Variants in AKAP13 observed in about 807,000 individuals in gnomAD.
AKAP13 encodes A-kinase anchoring protein 13.
In AKAP13, 80 loss-of-function variants were observed where a neutral mutation model predicts 264.5. That is an observed-to-expected ratio of 0.30 (90% CI 0.25 to 0.36). AKAP13 has a LOEUF of 0.36. Ranked by LOEUF, AKAP13 falls within the 10% of genes least tolerant of loss-of-function variation. The pLI is 1.00. For synonymous variants in AKAP13, 1,380 were observed against 1,250.2 expected (o/e 1.10, Z -2.19); for missense variants, 3,712 against 3,435.2 (o/e 1.08, Z -2.01).
At chr15:85,667,809 A>G (rs756049983) in intron 13 of AKAP13, among the ~76,000 whole-genome samples, 1 of 152,140 alleles carries the variant, frequency 6.6e-6, no homozygotes, top group African/African-American at 2.4e-5. Context: ...GAATGATTTA[A>G]TTTTCTTAAT....
intron 8 of AKAP13, among the ~76,000 whole-genome samples, chr15:85,633,129 G>A (rs998671095): frequency 7.2e-5 from 11 of 152,046 alleles, no homozygotes; most frequent in African/African-American, 2.4e-4. Flanking sequence ...GCCTCCCAAA[G>A]TGCTGGGATT....
At chr15:85,619,656 T>C (rs2081087278) in intron 8 of AKAP13, 1 of 987,864 alleles carries the variant, frequency 1.0e-6, no homozygotes, top group African/African-American at 1.7e-5. Context: ...AAGTATATAC[T>C]GGATTTTTAT....
intron 6 of AKAP13, chr15:85,577,847 T>TG: frequency 1.0e-6 from 1 of 985,060 alleles, no homozygotes; most frequent in Non-Finnish European, 1.2e-6. Flanking sequence ...GAACATATTT[T>TG]GGGGATTAAA....
intron 14 of AKAP13, among the ~76,000 whole-genome samples, chr15:85,671,692 G>A (rs1452846506): frequency 1.3e-5 from 2 of 151,418 alleles, no homozygotes; most frequent in Non-Finnish European, 2.9e-5. Context: ...TGTATAGAAT[G>A]GAAAGTACAA....
In AKAP13 at chr15:85,579,104, C is replaced by A. The variant is rs1354841357; in HGVS notation, c.1036C>A (p.Pro346Thr). Residue 346 changes from proline (P) to threonine (T), a missense_variant, in exon 7 of 37, where the codon CCT (proline) becomes ACT (threonine). Physicochemically the swap from Pro to Thr is conservative, Grantham distance 38. This residue lies in a region of AKAP13 where 2,759 missense variants were observed against 2,411.7 expected (regional missense o/e 1.14). Transcript: ENST00000394518. ...TESTQCCPGS[P>T]VAQTESPCDL... The stretch of plus-strand genomic sequence containing the variant: ...GAGCACTCAGTGCTGCCCAGGGAGC[C>A]CTGTTGCACAGACTGAAAGTCCCTG... 2.5e-6 allele frequency: 4 copies of A among 1,614,014 alleles called. No individual in the cohort carries two copies. Among genetic ancestry groups the A allele is most frequent in the Non-Finnish European group, 3.4e-6 (4 of 1,180,034 alleles).
intron 12 of AKAP13, chr15:85,662,348 C>T (rs780030181): frequency 6.2e-7 from 1 of 1,605,872 alleles, no homozygotes; most frequent in Non-Finnish European, 8.5e-7. Context: ...TTCCTCTTTT[C>T]TCCCTGCATT....
intron 1 of AKAP13, among the ~76,000 whole-genome samples, chr15:85,471,604 G>C (rs887533058): frequency 1.3e-5 from 2 of 152,194 alleles, no homozygotes; most frequent in African/African-American, 2.4e-5. Flanking sequence ...TGATAACTGC[G>C]TACGTAACCA....
At chr15:85,486,285 T>C (rs1467385608) in intron 2 of AKAP13, among the ~76,000 whole-genome samples, 1 of 144,182 alleles carries the variant, frequency 6.9e-6, no homozygotes, top group Non-Finnish European at 1.5e-5. Context: ...TTGTTGTTGC[T>C]TTTTTTTTTG....
intron 2 of AKAP13, among the ~76,000 whole-genome samples, chr15:85,513,100 C>T (rs1249897173): frequency 2.0e-5 from 3 of 152,146 alleles, no homozygotes; most frequent in Admixed American, 6.5e-5. Flanking sequence ...CCACCGTTCC[C>T]GGCCCAGTGT....
chr15:85,620,808 G>T (rs1486988105), intron 8 of AKAP13, among the ~76,000 whole-genome samples: 1 of 152,154 alleles, frequency 6.6e-6, no homozygotes, highest in Non-Finnish European at 1.5e-5. Context: ...GTGATGTTTG[G>T]TGTCTAAGCA....
chr15:85,721,349 A>C (rs1355867840), intron 23 of AKAP13, among the ~76,000 whole-genome samples: 2 of 152,192 alleles, frequency 1.3e-5, no homozygotes, highest in Non-Finnish European at 2.9e-5. Context: ...GTTTTTTGGT[A>C]AGGATCAATT....
At chr15:85,465,211 C>A (rs890064562) in intron 1 of AKAP13, among the ~76,000 whole-genome samples, 1 of 151,786 alleles carries the variant, frequency 6.6e-6, no homozygotes, top group African/African-American at 2.4e-5. Context: ...CTCAGCCTCC[C>A]AAAGTGCTGG....
At chr15:85,400,947 C>T (rs541072606) in intron 1 of AKAP13, among the ~76,000 whole-genome samples, 20 of 151,588 alleles carry the variant, frequency 1.3e-4, no homozygotes, top group East Asian at 5.8e-4. Flanking sequence ...CTGCAACCTC[C>T]GCCTCCCGGA....
At chr15:85,591,673 C>T (rs916286380) in intron 8 of AKAP13, among the ~76,000 whole-genome samples, 5 of 152,000 alleles carry the variant, frequency 3.3e-5, no homozygotes, top group Admixed American at 1.3e-4. Flanking sequence ...TGACACCATT[C>T]GCCTTCATAG....
At chr15:85,407,730 G>GT (rs1448875327) in intron 1 of AKAP13, among the ~76,000 whole-genome samples, 3 of 151,562 alleles carry the variant, frequency 2.0e-5, no homozygotes, top group Non-Finnish European at 4.4e-5. Flanking sequence ...ACCGAATTAG[G>GT]TTAGAAAGTC....
At chr15:85,404,965 GGT>G (rs1294635998) in intron 1 of AKAP13, among the ~76,000 whole-genome samples, 2 of 152,074 alleles carry the variant, frequency 1.3e-5, no homozygotes, top group Non-Finnish European at 2.9e-5. Flanking sequence ...ATGTAGCAGT[GGT>G]TGTGTTTTTT....
intron 9 of AKAP13, among the ~76,000 whole-genome samples, chr15:85,641,261 A>G (rs759428231): frequency 1.3e-5 from 2 of 151,572 alleles, no homozygotes; most frequent in Admixed American, 6.6e-5. Context: ...CCTGGCCAGT[A>G]TGGTGAAACT....
chr15:85,644,607 T>A (rs2082463639), intron 9 of AKAP13, among the ~76,000 whole-genome samples: 2 of 145,448 alleles, frequency 1.4e-5, no homozygotes, highest in South Asian at 4.5e-4. Flanking sequence ...CCCAGCACTT[T>A]GGGAGGCTGA....
intron 5 of AKAP13, among the ~76,000 whole-genome samples, chr15:85,552,171 G>T (rs1043047397): frequency 2.0e-5 from 3 of 152,212 alleles, no homozygotes; most frequent in African/African-American, 7.2e-5. Context: ...TGCCTGTTCT[G>T]TTTTGAAAGT....
Sources: gnomAD v4.1 joint callset for allele counts (sites outside exome capture counted in the v4.1 genomes callset) on GRCh38, gnomAD v4.1.1 for gene constraint, gnomAD v4.1.1 regional missense constraint, MANE v1.5 for transcripts, NCBI Gene and HGNC (gene_info 2026-07-23, HGNC 2026-07-21) for gene names.